Variants in PSG2 observed in about 807,000 individuals in gnomAD.
PSG2 encodes pregnancy-specific beta-1-glycoprotein 2.
A neutral mutation model predicts 36.2 loss-of-function variants in PSG2; 49 were observed. The observed-to-expected ratio is 1.35, with a 90% CI of 1.08 to 1.72. The LOEUF (loss-of-function observed/expected upper bound fraction) is 1.72, where lower values mean the gene tolerates loss of function less well. Among genes scored for constraint, PSG2 ranks in the 40% most tolerant of loss-of-function variants. The pLI is 0.00. For missense variants in PSG2, 605 were observed against 407.2 expected (o/e 1.49, Z -4.18); for synonymous variants, 261 against 155.6 (o/e 1.68, Z -5.04).
chr19:43,066,991 T>G lies in PSG2; in HGVS notation c.965-391A>C, dbSNP rs569092857. Among the ~76,000 whole-genome samples the G allele has an allele frequency of 3.6e-4, 54 of 151,568 alleles. 2 individuals carry two copies. Among genetic ancestry groups the G allele is most frequent in the Admixed American group, 2.8e-3 (43 of 15,244 alleles). On this transcript the variant is annotated intron_variant, in intron 4 of 5. Transcript: ENST00000406487. ...TCAGGTCTCCATGGCAGGGACCTGA[T>G]TGGCAGAAGGCCCAGGTCAGTGCAT...
chr19:43,080,797 C>A (rs1967959907), intron 2 of PSG2, 84 bp downstream of exon 2: 4 of 1,610,452 alleles, frequency 2.5e-6, no homozygotes, highest in Admixed American at 1.7e-5. Flanking sequence ...GACACAGGCA[C>A]AGTCTAGGCC....
Position 43,073,600 on chromosome 19 carries a change from C to G in PSG2, c.710-1646G>C, listed in dbSNP as rs930150817. ...AATCTACTCTGTGATTCCCTGGGTT[C>G]GACTACTCTAGGGACCTCATGTAAG... On this transcript the variant is annotated intron_variant, in intron 3 of 5. Coordinates refer to ENST00000406487, the MANE Select transcript of PSG2 (RefSeq NM_031246.4). Among the ~76,000 whole-genome samples the G allele has an allele frequency of 6.6e-5, 10 of 151,622 alleles. 1 individual carries two copies. The highest frequency in any genetic ancestry group is 2.4e-4 in the African/African-American group (10 of 41,106).
At position 43,071,540 on chromosome 19, in the gene PSG2, G is replaced by A. The variant is rs1260559850; in HGVS notation, c.964+160C>T. On this transcript the variant is annotated intron_variant, in intron 4 of 5. Coordinates refer to ENST00000406487, the MANE Select transcript of PSG2 (RefSeq NM_031246.4). ...AAAACAGAAAAACAAGGAGAAGAGA[G>A]TTTGTAGAGACAAATTGGGAGGGTT... 2.0e-5 allele frequency among the ~76,000 whole-genome samples: 3 copies of A among 151,560 alleles called. No homozygotes were observed. In the East Asian group the frequency reaches 5.8e-4, roughly 29 times the overall value.
At chr19:43,070,888 G>A (rs536208975) in intron 4 of PSG2, among the ~76,000 whole-genome samples, 1 of 151,622 alleles carries the variant, frequency 6.6e-6, no homozygotes, top group East Asian at 1.9e-4. Context: ...ACACTTTTTG[G>A]CACTGCCCTT....
chr19:43,081,837 GT>G (rs58620361), intron 1 of PSG2: 42,196 of 150,614 alleles, frequency 0.28, 7,462 homozygotes, highest in African/African-American at 0.48. Flanking sequence ...CACCCTTGGT[GT>G]TTTTTTTTTT....
intron 4 of PSG2, among the ~76,000 whole-genome samples, chr19:43,069,742 A>G (rs1967790406): frequency 6.6e-6 from 1 of 151,700 alleles, no homozygotes; most frequent in Non-Finnish European, 1.5e-5. Flanking sequence ...CAAAAACTGT[A>G]CAACTCTTAG....
At chr19:43,068,898 T>A (rs1048535662) in intron 4 of PSG2, among the ~76,000 whole-genome samples, 2 of 151,574 alleles carry the variant, frequency 1.3e-5, no homozygotes, top group African/African-American at 4.9e-5. Context: ...AAAAAAGACA[T>A]TCAAATTGGA....
chr19:43,075,305 G>T (rs1374861669), intron 3 of PSG2, 49 bp downstream of exon 3: 1 of 1,613,102 alleles, frequency 6.2e-7, no homozygotes, highest in East Asian at 2.2e-5. Context: ...CTCTGGCCAT[G>T]TGTATTTGGG....
chr19:43,073,696 G>C (rs1449459218), intron 3 of PSG2, among the ~76,000 whole-genome samples: 1 of 151,652 alleles, frequency 6.6e-6, no homozygotes, highest in Non-Finnish European at 1.5e-5. Flanking sequence ...ATCAGAAGTT[G>C]TTCATGGGTG....
intron 4 of PSG2, among the ~76,000 whole-genome samples, chr19:43,071,493 G>A (rs1232768234): frequency 2.0e-5 from 3 of 151,544 alleles, no homozygotes; most frequent in Admixed American, 6.6e-5. Context: ...TTTCTCAGGC[G>A]AGACACAAGG....
chr19:43,068,260 C>G (rs78046613), intron 4 of PSG2, among the ~76,000 whole-genome samples: 1 of 150,920 alleles, frequency 6.6e-6, no homozygotes, highest in Non-Finnish European at 1.5e-5. Context: ...CCTGGGGAGA[C>G]GCTGTGTGTA....
Position 43,068,325 on chromosome 19 carries a change from G to A in PSG2, c.965-1725C>T, listed in dbSNP as rs543679597. 1.3e-3 allele frequency among the ~76,000 whole-genome samples: 202 copies of A among 151,408 alleles called. 5 individuals carry two copies. Among genetic ancestry groups the A allele is most frequent in the African/African-American group, 4.8e-3 (197 of 41,002 alleles). ...ATGTTGACATGCACCTGTAGTCCTAGCATCTTGAGAGGCTGAAGAAGGAGA... is the reference window on the plus strand; with the variant it reads ...ATGTTGACATGCACCTGTAGTCCTAACATCTTGAGAGGCTGAAGAAGGAGA... On this transcript the variant is annotated intron_variant, in intron 4 of 5. Transcript: ENST00000406487.
At position 43,081,116 on chromosome 19, in the gene PSG2, G is replaced by A; in HGVS notation, c.195C>T (p.Tyr65=). The A allele has an allele frequency of 6.2e-7, 1 of 1,612,880 alleles. No homozygotes were observed. Among genetic ancestry groups the A allele is most frequent in the Non-Finnish European group, 8.5e-7 (1 of 1,179,674 alleles). Residue 65 remains tyrosine (Y), a synonymous_variant, in exon 2 of 6, where the codon TAC becomes TAT. Coordinates refer to ENST00000406487, the MANE Select transcript of PSG2 (RefSeq NM_031246.4). ...VHNLPQNLTG[Y]IWYKGQIRDL... is the part of the protein sequence containing the mutation. The stretch of plus-strand genomic sequence containing the variant: ...CCCTGATTTGCCCTTTGTACCAGAT[G>A]TAGCCAGTAAGATTCTGGGGCAAAT...
chr19:43,064,256 G>A lies in PSG2; in HGVS notation c.*386C>T, dbSNP rs1182204170. 1 of 195,930 alleles carries A rather than the reference G, an allele frequency of 5.1e-6. No homozygotes were observed. The allele number at this position is 195,930 out of a possible 1,614,324, so 12.1% of individuals were successfully genotyped here. On this transcript the variant is annotated 3_prime_UTR_variant, in exon 6 of 6. Coordinates refer to ENST00000406487, the MANE Select transcript of PSG2 (RefSeq NM_031246.4). The stretch of plus-strand genomic sequence containing the variant: ...TTACCATAAACATATGAATACTCAT[G>A]AATAGATTCCCAATTCTGGGGCACT...
intron 1 of PSG2, 119 bp downstream of exon 1, chr19:43,082,387 A>T (rs755893959): frequency 2.3e-5 from 34 of 1,472,570 alleles, no homozygotes; most frequent in Admixed American, 1.2e-4. Context: ...TGATCCACCC[A>T]CCTCAGCCTC....
At chr19:43,078,597 G>A (rs1011090732) in intron 2 of PSG2, among the ~76,000 whole-genome samples, 7 of 151,378 alleles carry the variant, frequency 4.6e-5, no homozygotes, top group Non-Finnish European at 7.4e-5. Flanking sequence ...CCCTCCGCCC[G>A]CATGATTCCA....
In PSG2 at chr19:43,071,775, C is replaced by T. The variant is rs776373680; in HGVS notation, c.889G>A (p.Gly297Arg). 17 of 1,612,646 alleles carry T rather than the reference C, an allele frequency of 1.1e-5. No homozygotes were observed. Among genetic ancestry groups the T allele is most frequent in the South Asian group, 4.4e-5 (4 of 91,032 alleles). ...TTACGAACAGAGCAAACATAGAGCC[C>T]GCTATGCTTTGTAGTAATTTGGGGG... ...FIPQITTKHSGLYVCSVRNSA... is the reference protein window; with the variant it reads ...FIPQITTKHSRLYVCSVRNSA... Residue 297 changes from glycine (G) to arginine (R), a missense_variant, in exon 4 of 6, where the codon GGG becomes AGG. Coordinates refer to ENST00000406487, the MANE Select transcript of PSG2 (RefSeq NM_031246.4).
intron 3 of PSG2, chr19:43,072,565 T>A: frequency 6.2e-7 from 1 of 1,611,452 alleles, no homozygotes; most frequent in South Asian, 1.1e-5. Flanking sequence ...AGGTGAAGGC[T>A]AATACATCCT....
rs1261729343 is a variant in PSG2 at position 43,075,632 on chromosome 19, A to G, written c.431T>C (p.Leu144Pro). The G allele has an allele frequency of 3.7e-6, 6 of 1,611,486 alleles. No individual in the cohort carries two copies. In the African/African-American group the frequency reaches 5.4e-5, roughly 14 times the overall value. The change falls in exon 3 of 6, where the codon CTG (leucine) becomes CCG (proline). Residue 144 changes from leucine (L) to proline (P), a missense_variant and splice_region_variant. By Grantham distance (98) the Leu-to-Pro change is moderately conservative. Transcript: ENST00000406487. The stretch of plus-strand genomic sequence containing the variant: ...GGAGATGGAGGGCTTGGGAGTCTCC[A>G]CTGTGCAGAAAACAGAGAGAAGATT... ...VTGYFTFTLY[L>P]ETPKPSISSS...
Sources: allele counts gnomAD v4.1 joint callset (sites outside exome capture counted in the v4.1 genomes callset), GRCh38; gene constraint gnomAD v4.1.1; transcripts MANE v1.5; gene names NCBI Gene and HGNC (gene_info 2026-07-23, HGNC 2026-07-21).